Variants in SHISA6 observed in about 807,000 individuals in gnomAD.
The protein encoded by SHISA6 is shisa family member 6, also known as protein shisa-6.
SHISA6 carries 22 observed loss-of-function variants against 47.9 expected under a neutral mutation model. That is an observed-to-expected ratio of 0.46 (90% CI 0.33 to 0.66). The LOEUF (loss-of-function observed/expected upper bound fraction) is 0.66. Among genes scored for constraint, SHISA6 ranks in the 30% least tolerant of loss-of-function variants. The pLI, the probability that SHISA6 is intolerant of heterozygous loss-of-function variation, is 0.02. For synonymous variants in SHISA6, 388 were observed against 337.8 expected (o/e 1.15, Z -1.63); for missense variants, 680 against 764.6 (o/e 0.89, Z 1.30).
At chr17:11,259,162 T>G (rs1908132775) in intron 1 of SHISA6, among the ~76,000 whole-genome samples, 1 of 150,680 alleles carries the variant, frequency 6.6e-6, no homozygotes, top group Non-Finnish European at 1.5e-5. Flanking sequence ...GAGGGAAGGA[T>G]GAATGGAGGG....
intron 3 of SHISA6, among the ~76,000 whole-genome samples, chr17:11,499,888 G>A (rs2071437751): frequency 6.6e-6 from 1 of 151,606 alleles, no homozygotes; most frequent in Non-Finnish European, 1.5e-5. Flanking sequence ...TCCTAGTAAA[G>A]ATGGGGTTTC....
At chr17:11,398,331 T>G (rs942608931) in intron 3 of SHISA6, among the ~76,000 whole-genome samples, 1 of 152,238 alleles carries the variant, frequency 6.6e-6, no homozygotes, top group African/African-American at 2.4e-5. Context: ...ATGATGATGA[T>G]GAGGAAGTAG....
At chr17:11,250,728 C>G (rs1329161201) in intron 1 of SHISA6, among the ~76,000 whole-genome samples, 1 of 152,154 alleles carries the variant, frequency 6.6e-6, no homozygotes, top group Non-Finnish European at 1.5e-5. Context: ...GTCAGTCTTG[C>G]TGTGAGCCTG....
intron 2 of SHISA6, among the ~76,000 whole-genome samples, chr17:11,328,724 G>A (rs1433162210): frequency 1.3e-5 from 2 of 152,032 alleles, no homozygotes; most frequent in Non-Finnish European, 2.9e-5. Context: ...ACACACAAAT[G>A]AAAAAAATAA....
chr17:11,316,419 CTTT>C (rs551048325), intron 2 of SHISA6, among the ~76,000 whole-genome samples: 21,652 of 55,404 alleles, frequency 0.39, 2,811 homozygotes, highest in Middle Eastern at 0.59. Context: ...CTCTCTCTCT[CTTT>C]TTTTTTTTTT....
At chr17:11,399,583 A>T (rs971330094) in intron 3 of SHISA6, among the ~76,000 whole-genome samples, 2 of 152,002 alleles carry the variant, frequency 1.3e-5, no homozygotes, top group Non-Finnish European at 2.9e-5. Context: ...CACCACACCC[A>T]GCTAATTTTT....
chr17:11,525,405 T>G (rs1462081199), intron 3 of SHISA6, among the ~76,000 whole-genome samples: 1 of 147,808 alleles, frequency 6.8e-6, no homozygotes, highest in African/African-American at 2.5e-5. Context: ...GAGGCCAAGG[T>G]GGGCAGACGA....
chr17:11,519,046 C>T (rs562666734), intron 3 of SHISA6, among the ~76,000 whole-genome samples: 18 of 152,286 alleles, frequency 1.2e-4, no homozygotes, highest in Middle Eastern at 3.4e-3. Context: ...CACTTCCTCA[C>T]GTGTTATTGG....
intron 2 of SHISA6, among the ~76,000 whole-genome samples, chr17:11,276,134 T>C (rs948863985): frequency 6.6e-6 from 1 of 152,044 alleles, no homozygotes; most frequent in East Asian, 1.9e-4. Context: ...CGTGCCACCA[T>C]GCCTGGCTAA....
chr17:11,452,129 A>G (rs1915416147), intron 3 of SHISA6, among the ~76,000 whole-genome samples: 1 of 152,228 alleles, frequency 6.6e-6, no homozygotes, highest in Non-Finnish European at 1.5e-5. Flanking sequence ...GAGGCTCTTC[A>G]CGTAGAGCCA....
intron 3 of SHISA6, among the ~76,000 whole-genome samples, chr17:11,516,076 C>T (rs947247564): frequency 3.3e-5 from 5 of 152,132 alleles, no homozygotes; most frequent in African/African-American, 1.2e-4. Flanking sequence ...TCATCCTAGT[C>T]ATTAGCATGA....
chr17:11,296,867 A>G (rs1056883152), intron 2 of SHISA6, among the ~76,000 whole-genome samples: 1 of 152,234 alleles, frequency 6.6e-6, no homozygotes, highest in South Asian at 2.1e-4. Context: ...GCTAGAGAAG[A>G]GAGTGCATCA....
At chr17:11,434,481 G>T (rs1477870636) in intron 3 of SHISA6, among the ~76,000 whole-genome samples, 4 of 152,158 alleles carry the variant, frequency 2.6e-5, no homozygotes, top group Admixed American at 6.6e-5. Flanking sequence ...TCCTTGGCAT[G>T]ATCTCCCCAG....
intron 2 of SHISA6, among the ~76,000 whole-genome samples, chr17:11,367,328 A>G (rs1912486512): frequency 6.6e-6 from 1 of 152,162 alleles, no homozygotes; most frequent in Admixed American, 6.5e-5. Flanking sequence ...GAACAAGGAC[A>G]TTGGACTCAC....
At chr17:11,474,864 T>C (rs557533185) in intron 3 of SHISA6, among the ~76,000 whole-genome samples, 1 of 152,292 alleles carries the variant, frequency 6.6e-6, no homozygotes, top group Non-Finnish European at 1.5e-5. Flanking sequence ...AGTTTGTTAA[T>C]ATCCACAATA....
At chr17:11,393,274 C>G (rs1030324094) in intron 3 of SHISA6, among the ~76,000 whole-genome samples, 3 of 152,308 alleles carry the variant, frequency 2.0e-5, no homozygotes, top group East Asian at 1.9e-4. Context: ...ACATCTTTCT[C>G]TCTCTCACTG....
At chr17:11,351,897 A>G (rs569375755) in intron 2 of SHISA6, among the ~76,000 whole-genome samples, 2 of 152,368 alleles carry the variant, frequency 1.3e-5, no homozygotes, top group South Asian at 4.1e-4. Context: ...GTTTTTGAAC[A>G]TAGTATGGTG....
intron 3 of SHISA6, among the ~76,000 whole-genome samples, chr17:11,490,142 C>T (rs1916438255): frequency 1.3e-5 from 2 of 152,144 alleles, no homozygotes; most frequent in Non-Finnish European, 2.9e-5. Context: ...CCAGGTCTTC[C>T]CATGACCAGA....
At chr17:11,379,745 G>A (rs780978289) in intron 3 of SHISA6, 46 of 376,794 alleles carry the variant, frequency 1.2e-4, no homozygotes, top group Middle Eastern at 1.4e-3. Context: ...CACCCATGGC[G>A]GGGACACAGA....
Sources: allele counts gnomAD v4.1 joint callset (sites outside exome capture counted in the v4.1 genomes callset), GRCh38; gene constraint gnomAD v4.1.1; transcripts MANE v1.5; gene names NCBI Gene and HGNC (gene_info 2026-07-23, HGNC 2026-07-21).